The following NFIC variants were observed in gnomAD, a reference collection of about 807,000 sequenced individuals.
The protein encoded by NFIC is nuclear factor I C, also known as nuclear factor 1 C-type.
Under a neutral mutation model 54.4 loss-of-function variants are expected in NFIC, and 12 were observed. That is an observed-to-expected ratio of 0.22 (90% CI 0.14 to 0.36). The LOEUF (loss-of-function observed/expected upper bound fraction) is 0.36, where lower values mean the gene tolerates loss of function less well. Among genes scored for constraint, NFIC ranks in the 10% least tolerant of loss-of-function variants. NFIC has a pLI of 1.00. For synonymous variants in NFIC, 322 were observed against 319.2 expected (o/e 1.01, Z -0.09); for missense variants, 575 against 718.2 (o/e 0.80, Z 2.28).
intron 6 of NFIC, among the ~76,000 whole-genome samples, chr19:3,445,166 CACAT>C (rs576041296): frequency 9.2e-5 from 14 of 152,144 alleles, no homozygotes; most frequent in South Asian, 2.1e-4. Flanking sequence ...CAGGCATACA[CACAT>C]ACATGCACGC....
At chr19:3,437,689 GT>G (rs2082226759) in intron 6 of NFIC, among the ~76,000 whole-genome samples, 1 of 143,094 alleles carries the variant, frequency 7.0e-6, no homozygotes, top group African/African-American at 2.6e-5. Context: ...TTTGTTTTTT[GT>G]TTTTTGTTTT....
intron 10 of NFIC, among the ~76,000 whole-genome samples, chr19:3,461,746 G>T (rs992321630): frequency 1.3e-5 from 2 of 148,196 alleles, no homozygotes; most frequent in South Asian, 4.3e-4. Context: ...AAATAGAGAA[G>T]AAAATAATTT....
At chr19:3,432,357 G>C (rs2082133178) in intron 3 of NFIC, among the ~76,000 whole-genome samples, 1 of 152,132 alleles carries the variant, frequency 6.6e-6, no homozygotes, top group South Asian at 2.1e-4. Flanking sequence ...TGGGTGCCAA[G>C]CTCTGGTCTA....
Position 3,369,900 on chromosome 19 carries a change from G to A in NFIC, c.30+3234G>A, listed in dbSNP as rs1020128862. Among the ~76,000 whole-genome samples the A allele has an allele frequency of 6.6e-6, 1 of 152,150 alleles. No individual in the cohort carries two copies. Among genetic ancestry groups the A allele is most frequent in the African/African-American group, 2.4e-5 (1 of 41,432 alleles). ...CGTTCGTTGTTTCCTTCATTCGTTC[G>A]TCCCATGCCCTCTCGGAGCACAATG... On this transcript the variant is annotated intron_variant, in intron 1 of 10. Transcript: ENST00000443272. This position sits in a 1 kb window ranked among gnomAD's most constrained non-coding sequence, Gnocchi z 4.3.
intron 6 of NFIC, among the ~76,000 whole-genome samples, chr19:3,435,871 G>A (rs921842145): frequency 2.0e-5 from 3 of 151,960 alleles, no homozygotes; most frequent in African/African-American, 7.3e-5. Context: ...TTGTTGCCCA[G>A]GCTGGAGTGC....
At chr19:3,431,857 A>C (rs1189799634) in intron 3 of NFIC, among the ~76,000 whole-genome samples, 2 of 152,148 alleles carry the variant, frequency 1.3e-5, no homozygotes, top group Non-Finnish European at 2.9e-5. Context: ...CGCTGTGTTT[A>C]TCTCTTCATC....
chr19:3,445,553 C>A (rs1378218258), intron 6 of NFIC, among the ~76,000 whole-genome samples: 2 of 152,202 alleles, frequency 1.3e-5, no homozygotes, highest in East Asian at 3.9e-4. Context: ...GAACTGCTGA[C>A]CTGCTTCTGG....
chr19:3,364,722 T>G (rs1320717733), upstream of NFIC, among the ~76,000 whole-genome samples: 1 of 152,110 alleles, frequency 6.6e-6, no homozygotes, highest in African/African-American at 2.4e-5. Context: ...TCTAAGCTGC[T>G]GAATGAAGGC....
chr19:3,408,227 C>G (rs897671967), intron 2 of NFIC, among the ~76,000 whole-genome samples: 4 of 152,110 alleles, frequency 2.6e-5, no homozygotes, highest in Non-Finnish European at 5.9e-5. Context: ...CATTCTAGGC[C>G]TTCTGACAGC....
chr19:3,435,348 G>C (rs1228170815), intron 6 of NFIC, 141 bp downstream of exon 6: 5 of 1,232,794 alleles, frequency 4.1e-6, no homozygotes, highest in African/African-American at 1.6e-5. Flanking sequence ...AATTGTAGTC[G>C]TCCCGAGCTG....
At position 3,463,115 on chromosome 19, in the gene NFIC, T is replaced by C. The variant is rs548830198; in HGVS notation, c.*346T>C. 1.3e-5 allele frequency: 16 copies of C among 1,192,382 alleles called. No individual in the cohort carries two copies. The East Asian group carries it at 4.9e-4, about 36-fold the overall frequency. 73.9% of individuals were successfully genotyped at this position (1,192,382 alleles called of 1,614,324 possible). On this transcript the variant is annotated 3_prime_UTR_variant, in exon 11 of 11. Coordinates refer to ENST00000443272, the MANE Select transcript of NFIC (RefSeq NM_001245002.2). Reference sequence around the variant, plus strand: ...CGGGACAGGGCGTCTTCCTAAGTTATTCATCTCCTCTCCGCCTGCTGCTCG... The same window carrying C: ...CGGGACAGGGCGTCTTCCTAAGTTACTCATCTCCTCTCCGCCTGCTGCTCG...
chr19:3,404,869 A>G (rs1307741970), intron 2 of NFIC, among the ~76,000 whole-genome samples: 1 of 151,948 alleles, frequency 6.6e-6, no homozygotes, highest in African/African-American at 2.4e-5. Context: ...GACACCCACA[A>G]AGAGTGACAC....
At chr19:3,420,590 A>T (rs1418476920) in intron 2 of NFIC, among the ~76,000 whole-genome samples, 1 of 152,054 alleles carries the variant, frequency 6.6e-6, no homozygotes, top group Non-Finnish European at 1.5e-5. Context: ...TAAATAAAAG[A>T]TACAAAATAA....
chr19:3,445,285 C>T (rs2082358995), intron 6 of NFIC, among the ~76,000 whole-genome samples: 1 of 152,238 alleles, frequency 6.6e-6, no homozygotes, highest in Non-Finnish European at 1.5e-5. Context: ...CCAGGCCACC[C>T]TCATTCCTGC....
chr19:3,454,156 C>T (rs949791324), intron 9 of NFIC: 37 of 1,276,442 alleles, frequency 2.9e-5, no homozygotes, highest in African/African-American at 1.4e-4. Context: ...CTGTCCCCTT[C>T]GCCGAGTCAC....
intron 6 of NFIC, among the ~76,000 whole-genome samples, chr19:3,446,087 T>A (rs932415758): frequency 1.3e-5 from 2 of 152,066 alleles, no homozygotes; most frequent in Non-Finnish European, 2.9e-5. Flanking sequence ...CCTGCGTGAA[T>A]TATTTGGAAA....
In NFIC at chr19:3,453,709, C is replaced by A; in HGVS notation, c.1270-54C>A. The A allele has an allele frequency of 6.5e-7, 1 of 1,547,994 alleles. No individual in the cohort carries two copies. Among genetic ancestry groups the A allele is most frequent in the Non-Finnish European group, 8.7e-7 (1 of 1,153,630 alleles). ...AGCCGGGGGCGGCCGGCGCCAGCAG[C>A]CCGAGGTAGAGGGGGAGCCCACCCC... On this transcript the variant is annotated intron_variant, in intron 8 of 10. Coordinates refer to ENST00000443272, the MANE Select transcript of NFIC (RefSeq NM_001245002.2). This position sits in a 1 kb window ranked among gnomAD's most constrained non-coding sequence, Gnocchi z 6.7.
intron 3 of NFIC, among the ~76,000 whole-genome samples, chr19:3,432,116 G>A (rs963374941): frequency 1.2e-4 from 18 of 152,126 alleles, no homozygotes; most frequent in African/African-American, 4.3e-4. Flanking sequence ...CTACAAGGGC[G>A]TCCGAGGGCA....
At chr19:3,434,787 G>C (rs1212062377) in intron 5 of NFIC, among the ~76,000 whole-genome samples, 1 of 152,196 alleles carries the variant, frequency 6.6e-6, no homozygotes, top group Non-Finnish European at 1.5e-5. Flanking sequence ...GAGGACTACA[G>C]GTGGCCAGGA....
Sources: gnomAD v4.1 joint callset for allele counts (sites outside exome capture counted in the v4.1 genomes callset) on GRCh38, gnomAD v4.1.1 for gene constraint, Gnocchi (gnomAD v3.1) non-coding constraint, MANE v1.5 for transcripts, NCBI Gene and HGNC (gene_info 2026-07-23, HGNC 2026-07-21) for gene names.